Variants in RAB7A observed in about 807,000 individuals in gnomAD.
RAB7A encodes the protein ras-related protein Rab-7a.
RAB7A carries 2 observed loss-of-function variants against 24.5 expected under a neutral mutation model. The ratio of observed to expected loss-of-function variants is 0.08; its 90% CI spans 0.03 to 0.26. The LOEUF (loss-of-function observed/expected upper bound fraction) is 0.26. Among genes scored for constraint, RAB7A ranks in the 10% least tolerant of loss-of-function variants. RAB7A has a pLI of 1.00. For missense variants in RAB7A, 118 were observed against 255.7 expected, an observed-to-expected ratio of 0.46 and a Z score of 3.67; for synonymous variants, 100 against 95.9, an observed-to-expected ratio of 1.04 and a Z score of -0.25.
rs145900871 is a variant in RAB7A, at chr3:128,798,420, C to A, written c.180+351C>A. 509 of 276,592 alleles carry A rather than the reference C, an allele frequency of 1.8e-3. 1 individual carries two copies. Among genetic ancestry groups the A allele is most frequent in the Non-Finnish European group, 2.6e-3 (371 of 140,392 alleles). The allele number at this position is 276,592 out of a possible 1,614,324, so 17.1% of individuals were successfully genotyped here. On this transcript the variant is annotated intron_variant, in intron 3 of 5. Coordinates refer to ENST00000265062, the MANE Select transcript of RAB7A (RefSeq NM_004637.6). ...CCTCTCTTGACATCCTTGCCCAGTG[C>A]TTTAGGTAAACATCTTTGTCTCACC...
At chr3:128,813,160 C>T (rs1004787971) in intron 5 of RAB7A, among the ~76,000 whole-genome samples, 167 bp from the exon 6 acceptor site, 3 of 152,230 alleles carry the variant, frequency 2.0e-5, no homozygotes, top group Non-Finnish European at 2.9e-5. Context: ...AGCATGGCAC[C>T]TTCTGCCAGA....
chr3:128,783,507 G>A (rs1933266048), intron 1 of RAB7A, among the ~76,000 whole-genome samples: 1 of 152,066 alleles, frequency 6.6e-6, no homozygotes, highest in Non-Finnish European at 1.5e-5. Flanking sequence ...GAGACAAGCC[G>A]TGTGGTGGCT....
At chr3:128,795,751 C>CTTTTTTTTTTTTTTTTTTT (rs71153147) in intron 2 of RAB7A, among the ~76,000 whole-genome samples, 2,541 of 42,998 alleles carry the variant, frequency 0.059, 1,103 homozygotes, top group Non-Finnish European at 0.09. Context: ...AGCAGATGTG[C>CTTTTTTTTTTTTTTTTTTT]TTTTTTTTTT....
chr3:128,784,340 C>A (rs1271120331), intron 1 of RAB7A, among the ~76,000 whole-genome samples: 1 of 152,122 alleles, frequency 6.6e-6, no homozygotes, highest in Non-Finnish European at 1.5e-5. Flanking sequence ...TTTCCCATAC[C>A]CATCCCAATC....
intron 1 of RAB7A, among the ~76,000 whole-genome samples, chr3:128,736,603 A>G (rs1019007512): frequency 1.3e-5 from 2 of 152,224 alleles, no homozygotes; most frequent in African/African-American, 2.4e-5. Context: ...GAGGCAGTTA[A>G]ATTCCAGCAC....
chr3:128,775,269 G>A (rs1439423083), intron 1 of RAB7A, among the ~76,000 whole-genome samples: 1 of 152,192 alleles, frequency 6.6e-6, no homozygotes, highest in Non-Finnish European at 1.5e-5. Flanking sequence ...TAGGCCACCT[G>A]GCTTTTAGTG....
At chr3:128,798,744 G>T (rs1933631465) in intron 3 of RAB7A, 1 of 166,896 alleles carries the variant, frequency 6.0e-6, no homozygotes. Flanking sequence ...GAGCCCAGGA[G>T]TTTGAGCCTG....
At chr3:128,803,959 C>T (rs576462814) in intron 3 of RAB7A, among the ~76,000 whole-genome samples, 3 of 152,160 alleles carry the variant, frequency 2.0e-5, no homozygotes, top group Non-Finnish European at 4.4e-5. Flanking sequence ...AACAAGCAGG[C>T]TGGCTGGTTT....
chr3:128,786,273 C>G (rs1933340194), intron 1 of RAB7A, among the ~76,000 whole-genome samples: 1 of 152,196 alleles, frequency 6.6e-6, no homozygotes, highest in South Asian at 2.1e-4. Context: ...GGGGTCTTCA[C>G]TATTCAGGCC....
intron 1 of RAB7A, among the ~76,000 whole-genome samples, chr3:128,750,753 A>G (rs1301738278): frequency 6.6e-6 from 1 of 152,244 alleles, no homozygotes; most frequent in African/African-American, 2.4e-5. Flanking sequence ...GCTGAATGTT[A>G]ACTCCCAAGA....
At chr3:128,776,213 A>T (rs530488882) in intron 1 of RAB7A, among the ~76,000 whole-genome samples, 1 of 152,238 alleles carries the variant, frequency 6.6e-6, no homozygotes, top group Non-Finnish European at 1.5e-5. Flanking sequence ...GGCAAATGAC[A>T]TAATTTCTTT....
At chr3:128,758,255 C>T (rs903448797) in intron 1 of RAB7A, among the ~76,000 whole-genome samples, 1 of 150,736 alleles carries the variant, frequency 6.6e-6, no homozygotes, top group Non-Finnish European at 1.5e-5. Context: ...TGAGCCACCA[C>T]CCCAGTGTTT....
At chr3:128,758,534 C>T (rs965145308) in intron 1 of RAB7A, among the ~76,000 whole-genome samples, 1 of 152,042 alleles carries the variant, frequency 6.6e-6, no homozygotes, top group Non-Finnish European at 1.5e-5. Context: ...CTCGGCCTCC[C>T]AAAGTGCTGG....
chr3:128,794,188 C>T (rs1933520111), intron 1 of RAB7A, among the ~76,000 whole-genome samples: 4 of 152,200 alleles, frequency 2.6e-5, no homozygotes, highest in Admixed American at 2.6e-4. Flanking sequence ...GCTTCTCTCA[C>T]TGTCTTCTGG....
At chr3:128,792,327 T>A (rs1158934238) in intron 1 of RAB7A, among the ~76,000 whole-genome samples, 2 of 152,224 alleles carry the variant, frequency 1.3e-5, no homozygotes, top group Non-Finnish European at 2.9e-5. Flanking sequence ...AAATCCCTTT[T>A]CCCATTCTTA....
At chr3:128,794,998 T>G (rs1369971611) in intron 1 of RAB7A, among the ~76,000 whole-genome samples, 2 of 152,078 alleles carry the variant, frequency 1.3e-5, no homozygotes, top group Non-Finnish European at 1.5e-5. Context: ...GTCACTTCTT[T>G]GAGAAAGTGA....
chr3:128,778,434 C>T (rs1027288492), intron 1 of RAB7A, among the ~76,000 whole-genome samples: 1 of 152,126 alleles, frequency 6.6e-6, no homozygotes, highest in Admixed American at 6.5e-5. Flanking sequence ...TAGAGGGCTG[C>T]AGATCCATGT....
chr3:128,743,140 G>C (rs995205544), intron 1 of RAB7A, among the ~76,000 whole-genome samples: 1 of 152,194 alleles, frequency 6.6e-6, no homozygotes, highest in African/African-American at 2.4e-5. Context: ...GGGACCCGGT[G>C]CCCCCTCCAC....
Position 128,767,743 on chromosome 3 carries a change from G to A in RAB7A, c.-8-27617G>A, listed in dbSNP as rs373804587. Among the ~76,000 whole-genome samples the A allele has an allele frequency of 1.1e-4, 17 of 152,298 alleles. 1 individual carries two copies. The highest frequency in any genetic ancestry group is 3.3e-4 in the Admixed American group (5 of 15,296). On this transcript the variant is annotated intron_variant, in intron 1 of 5. Coordinates refer to ENST00000265062, the MANE Select transcript of RAB7A (RefSeq NM_004637.6). ...CAGCAGAGAATTAAGAAAAGCTGAA[G>A]CTGGAATCCAGATTCAGCAATCGTG...
Sources: gnomAD v4.1 joint callset for allele counts (sites outside exome capture counted in the v4.1 genomes callset) on GRCh38, gnomAD v4.1.1 for gene constraint, MANE v1.5 for transcripts, NCBI Gene and HGNC (gene_info 2026-07-23, HGNC 2026-07-21) for gene names.